TENM3: variants seen among roughly 807,000 people sequenced by gnomAD.
TENM3 encodes the protein teneurin-3.
TENM3 carries 63 observed loss-of-function variants against 255.1 expected under a neutral mutation model. The ratio of observed to expected loss-of-function variants is 0.25; its 90% CI spans 0.20 to 0.30. TENM3 has a LOEUF of 0.30. Among genes scored for constraint, TENM3 ranks in the 10% least tolerant of loss-of-function variants. The pLI is 1.00. For synonymous variants in TENM3, 1,306 were observed against 1,322.3 expected (o/e 0.99, Z 0.27); for missense variants, 2,929 against 3,461.1 (o/e 0.85, Z 3.86).
chr4:181,478,601 C>T, the TENM3 span, among the ~76,000 whole-genome samples: 2 of 152,158 alleles, frequency 1.3e-5, no homozygotes, highest in African/African-American at 4.8e-5. Context: ...CCTTCATTTT[C>T]CTTGAAGACA....
At chr4:181,755,356 CT>C in the TENM3 span, among the ~76,000 whole-genome samples, 316 of 151,062 alleles carry the variant, frequency 2.1e-3, 2 homozygotes, top group African/African-American at 7.1e-3. Context: ...TTTGTACTCA[CT>C]TTTTTTTTAC....
At chr4:181,691,191 ACTT>A in the TENM3 span, among the ~76,000 whole-genome samples, 3,777 of 152,192 alleles carry the variant, frequency 0.025, 73 homozygotes, top group African/African-American at 0.051. Flanking sequence ...AGATAATTGT[ACTT>A]CTTCTTTCTG....
chr4:182,032,994 T>A, the TENM3 span, among the ~76,000 whole-genome samples: 2 of 142,508 alleles, frequency 1.4e-5, no homozygotes, highest in African/African-American at 4.9e-5. Context: ...AAAAAAAAAG[T>A]CCAGGATTTG....
chr4:181,548,270 G>A, the TENM3 span, among the ~76,000 whole-genome samples: 2 of 152,098 alleles, frequency 1.3e-5, no homozygotes, highest in Non-Finnish European at 1.5e-5. Context: ...TCAGGAATCT[G>A]GAACTAGAAA....
Position 182,800,353 on chromosome 4 carries a change from G to A in TENM3, c.*2G>A, listed in dbSNP as rs971866330. 2.0e-6 allele frequency: 3 copies of A among 1,529,390 alleles called. No individual in the cohort carries two copies. Among genetic ancestry groups the A allele is most frequent in the Non-Finnish European group, 1.7e-6 (2 of 1,145,836 alleles). The allele number at this position is 1,529,390 out of a possible 1,614,324, so 94.7% of individuals were successfully genotyped here. A position where few individuals can be genotyped will look rare whatever the true frequency, so the allele number is the denominator to read the frequency against. The stretch of plus-strand genomic sequence containing the variant: ...CAGAGCGAGATCGGCAGGAGGTAAC[G>A]CCCGGGCCGCGCCCGCCGAGCCGCT... On this transcript the variant is annotated 3_prime_UTR_variant, in exon 28 of 28. Coordinates refer to ENST00000511685, the MANE Select transcript of TENM3 (RefSeq NM_001080477.4).
chr4:181,566,417 A>G, the TENM3 span, among the ~76,000 whole-genome samples: 1 of 152,320 alleles, frequency 6.6e-6, no homozygotes, highest in South Asian at 2.1e-4. Flanking sequence ...CTTTATTACT[A>G]AGCTGAATCT....
At chr4:182,314,776 G>C (rs973696130) in intron 1 of TENM3, among the ~76,000 whole-genome samples, 6 of 152,030 alleles carry the variant, frequency 3.9e-5, no homozygotes, top group African/African-American at 1.2e-4. Flanking sequence ...TGTGATTTTT[G>C]ACCTAGTTGG....
the TENM3 span, among the ~76,000 whole-genome samples, chr4:181,537,157 G>A: frequency 6.6e-6 from 1 of 151,960 alleles, no homozygotes; most frequent in African/African-American, 2.4e-5. Flanking sequence ...CCGAAATACT[G>A]AGGCAGACTA....
At position 182,324,256 on chromosome 4, in the gene TENM3, G is replaced by A; in HGVS notation, c.232+4G>A. The A allele has an allele frequency of 6.2e-7, 1 of 1,603,036 alleles. No homozygotes were observed. The highest frequency in any genetic ancestry group is 8.5e-7 in the Non-Finnish European group (1 of 1,169,884). On this transcript the variant is annotated splice_donor_region_variant and intron_variant, in intron 2 of 27. Transcript: ENST00000511685. ...GCAGACGAGTTCACTAGACAAGGTGGGTAACTGTCCTAGTAAAATAAGGCA... is the reference window on the plus strand; with the variant it reads ...GCAGACGAGTTCACTAGACAAGGTGAGTAACTGTCCTAGTAAAATAAGGCA...
intron 2 of TENM3, among the ~76,000 whole-genome samples, chr4:182,330,076 AT>A (rs1360180916): frequency 6.6e-6 from 1 of 152,132 alleles, no homozygotes. Context: ...GAAAAAAAAA[AT>A]GCAACCCAGG....
At chr4:181,657,806 A>T in the TENM3 span, among the ~76,000 whole-genome samples, 46,245 of 128,416 alleles carry the variant, frequency 0.36, 7,576 homozygotes, top group Non-Finnish European at 0.41. Context: ...CTATATATAA[A>T]AAAAAAAACA....
chr4:182,358,573 C>G (rs2150756377), intron 3 of TENM3, among the ~76,000 whole-genome samples: 1 of 152,080 alleles, frequency 6.6e-6, no homozygotes, highest in African/African-American at 2.4e-5. Context: ...GATTTTGTAT[C>G]CTGAGACTTT....
chr4:181,994,562 T>TG, the TENM3 span, among the ~76,000 whole-genome samples: 51 of 148,156 alleles, frequency 3.4e-4, no homozygotes, highest in African/African-American at 1.2e-3. Flanking sequence ...GGGTTTTTTT[T>TG]TTTTTTTGTG....
At chr4:182,464,664 T>C (rs1298362836) in intron 3 of TENM3, among the ~76,000 whole-genome samples, 1 of 152,230 alleles carries the variant, frequency 6.6e-6, no homozygotes, top group Non-Finnish European at 1.5e-5. Flanking sequence ...CGATTTAGTA[T>C]TTTAAAGGTT....
At chr4:182,704,038 A>G (rs1758089339) in intron 12 of TENM3, among the ~76,000 whole-genome samples, 1 of 152,184 alleles carries the variant, frequency 6.6e-6, no homozygotes, top group African/African-American at 2.4e-5. Context: ...GTTTTTTTTA[A>G]TTAATGTTAA....
the TENM3 span, among the ~76,000 whole-genome samples, chr4:181,681,136 G>A: frequency 3.9e-5 from 6 of 152,086 alleles, no homozygotes; most frequent in Admixed American, 3.9e-4. Flanking sequence ...CAGTCCATGT[G>A]CAAAATTTCC....
chr4:182,123,773 T>C, the TENM3 span, among the ~76,000 whole-genome samples: 842 of 152,268 alleles, frequency 5.5e-3, 7 homozygotes, highest in African/African-American at 0.019. Context: ...ATGGTACCAT[T>C]AGACTTACTC....
the TENM3 span, among the ~76,000 whole-genome samples, chr4:181,723,046 G>A: frequency 6.6e-4 from 100 of 152,132 alleles, no homozygotes; most frequent in African/African-American, 2.3e-3. Flanking sequence ...GCACAACACT[G>A]ACTCGATAAA....
the TENM3 span, among the ~76,000 whole-genome samples, chr4:181,454,053 C>A: frequency 6.6e-6 from 1 of 152,122 alleles, no homozygotes; most frequent in Non-Finnish European, 1.5e-5. Context: ...GAAGTAATGT[C>A]TGTAAAACCA....
Sources: gnomAD v4.1 joint callset for allele counts (sites outside exome capture counted in the v4.1 genomes callset) on GRCh38, gnomAD v4.1.1 for gene constraint, MANE v1.5 for transcripts, NCBI Gene and HGNC (gene_info 2026-07-23, HGNC 2026-07-21) for gene names.